DCC: variants seen among roughly 807,000 people sequenced by gnomAD.
DCC encodes the protein DCC netrin 1 receptor.
Under a neutral mutation model 172.5 loss-of-function variants are expected in DCC, and 58 were observed. That is an observed-to-expected ratio of 0.34 (90% CI 0.27 to 0.42). The LOEUF is 0.42. Ranked by LOEUF, DCC falls within the 10% of genes least tolerant of loss-of-function variation. DCC has a pLI of 1.00. For missense variants in DCC, 1,740 were observed against 1,791.0 expected, an observed-to-expected ratio of 0.97 and a Z score of 0.51; for synonymous variants, 709 against 644.5, an observed-to-expected ratio of 1.10 and a Z score of -1.52.
At chr18:53,066,353 G>GTATGTA (rs1202896480) in intron 7 of DCC, among the ~76,000 whole-genome samples, 187 bp downstream of exon 7, 1,127 of 93,908 alleles carry the variant, frequency 0.012, 8 homozygotes, top group Non-Finnish European at 0.018. Context: ...GTACATGTGT[G>GTATGTA]TATATATATA....
intron 14 of DCC, among the ~76,000 whole-genome samples, chr18:53,323,071 C>G (rs2144829091): frequency 6.6e-6 from 1 of 152,206 alleles, no homozygotes; most frequent in African/African-American, 2.4e-5. Context: ...TTCTCTTACT[C>G]CTTAACTGAT....
chr18:52,880,065 A>G (rs189795467), intron 2 of DCC, among the ~76,000 whole-genome samples: 15 of 152,080 alleles, frequency 9.9e-5, no homozygotes, highest in Non-Finnish European at 1.9e-4. Context: ...TTTTAAATGT[A>G]CTATCAGATT....
intron 1 of DCC, among the ~76,000 whole-genome samples, chr18:52,537,195 A>C (rs1168901169): frequency 6.6e-6 from 1 of 152,216 alleles, no homozygotes; most frequent in Admixed American, 6.5e-5. Flanking sequence ...AGAAACTGAA[A>C]ACAATAAGTT....
Position 53,061,679 on chromosome 18 carries a change from C to T in DCC, c.986-1626C>T, listed in dbSNP as rs141113207. Among the ~76,000 whole-genome samples the T allele has an allele frequency of 3.2e-3, 482 of 152,224 alleles. 6 individuals are homozygous for T. The highest frequency in any genetic ancestry group is 0.011 in the African/African-American group (461 of 41,562). On this transcript the variant is annotated intron_variant, in intron 5 of 28. Transcript: ENST00000442544. ...GGCAAAAGAGACAGTTATAGCAAAT[C>T]ACTTTAGTACATAGGCAGGGAATCA... is the stretch of plus-strand genomic sequence containing the variant.
At chr18:53,504,201 C>T (rs193288249) in intron 27 of DCC, among the ~76,000 whole-genome samples, 178 of 152,262 alleles carry the variant, frequency 1.2e-3, no homozygotes, top group African/African-American at 4.0e-3. Context: ...CAATAAATTA[C>T]TATAATGCCT....
chr18:52,793,012 AAGG>A (rs1259991609), intron 2 of DCC, among the ~76,000 whole-genome samples: 4 of 151,674 alleles, frequency 2.6e-5, no homozygotes, highest in Non-Finnish European at 4.4e-5. Context: ...TAATAGAAGA[AAGG>A]AGAGAGGAGC....
At chr18:53,121,005 A>G (rs1471862251) in intron 7 of DCC, among the ~76,000 whole-genome samples, 3 of 151,920 alleles carry the variant, frequency 2.0e-5, no homozygotes, top group East Asian at 1.9e-4. Context: ...GGGGGAAAAT[A>G]CATTTTATCA....
At chr18:52,888,498 C>A (rs2039600924) in intron 2 of DCC, among the ~76,000 whole-genome samples, 1 of 151,942 alleles carries the variant, frequency 6.6e-6, no homozygotes, top group African/African-American at 2.4e-5. Flanking sequence ...AGACTATTAC[C>A]ATTTCTCTAA....
chr18:52,557,120 T>C (rs2032935137), intron 1 of DCC, among the ~76,000 whole-genome samples: 1 of 152,204 alleles, frequency 6.6e-6, no homozygotes, highest in Non-Finnish European at 1.5e-5. Flanking sequence ...GTGTAAATAT[T>C]TACACATATT....
At chr18:52,790,234 G>A (rs1313988485) in intron 2 of DCC, among the ~76,000 whole-genome samples, 1 of 152,134 alleles carries the variant, frequency 6.6e-6, no homozygotes, top group Non-Finnish European at 1.5e-5. Flanking sequence ...TTGTTGGGCT[G>A]GCATGAACAG....
At chr18:53,182,313 C>T (rs1333758323) in intron 9 of DCC, among the ~76,000 whole-genome samples, 1 of 152,120 alleles carries the variant, frequency 6.6e-6, no homozygotes, top group African/African-American at 2.4e-5. Flanking sequence ...TTAGTAACAG[C>T]ATTGTTCTAT....
intron 1 of DCC, among the ~76,000 whole-genome samples, chr18:52,702,515 G>C (rs931515315): frequency 6.6e-6 from 1 of 152,052 alleles, no homozygotes; most frequent in Non-Finnish European, 1.5e-5. Context: ...GACATGATCA[G>C]TAACAGCACG....
intron 7 of DCC, among the ~76,000 whole-genome samples, chr18:53,080,208 T>C (rs1367142355): frequency 6.6e-6 from 1 of 152,032 alleles, no homozygotes; most frequent in East Asian, 1.9e-4. Context: ...GAGATGAATA[T>C]GTGCAGGTGG....
chr18:53,312,047 T>C (rs963696568), intron 13 of DCC, among the ~76,000 whole-genome samples: 1 of 150,992 alleles, frequency 6.6e-6, no homozygotes, highest in Non-Finnish European at 1.5e-5. Flanking sequence ...CGGTGGCTCA[T>C]GCCTGTAATC....
intron 5 of DCC, among the ~76,000 whole-genome samples, chr18:52,930,862 G>T (rs1168230051): frequency 6.6e-6 from 1 of 151,954 alleles, no homozygotes; most frequent in Non-Finnish European, 1.5e-5. Context: ...TGCTAGCATT[G>T]TCATTAGACT....
At chr18:53,218,204 A>C (rs1304568027) in intron 12 of DCC, among the ~76,000 whole-genome samples, 3 of 152,114 alleles carry the variant, frequency 2.0e-5, no homozygotes, top group Non-Finnish European at 4.4e-5. Context: ...AAGAGAACAC[A>C]CTTTGAAAAC....
chr18:52,783,850 T>C (rs868696608), intron 2 of DCC, among the ~76,000 whole-genome samples: 1 of 152,060 alleles, frequency 6.6e-6, no homozygotes, highest in African/African-American at 2.4e-5. Context: ...GGGGTACATA[T>C]CATATTTTGA....
At chr18:53,442,998 C>T (rs371341518) in intron 22 of DCC, among the ~76,000 whole-genome samples, 7 of 152,186 alleles carry the variant, frequency 4.6e-5, no homozygotes, top group African/African-American at 7.2e-5. Flanking sequence ...GAACAGAAGC[C>T]GTCTCTATAA....
At chr18:53,429,573 A>G (rs1017726030) in intron 21 of DCC, among the ~76,000 whole-genome samples, 2 of 152,094 alleles carry the variant, frequency 1.3e-5, no homozygotes, top group African/African-American at 4.8e-5. Flanking sequence ...AGAAATTGGA[A>G]TTGCAAAAAT....
Sources: gnomAD v4.1 joint callset for allele counts (sites outside exome capture counted in the v4.1 genomes callset) on GRCh38, gnomAD v4.1.1 for gene constraint, MANE v1.5 for transcripts, NCBI Gene and HGNC (gene_info 2026-07-23, HGNC 2026-07-21) for gene names.